The following KIAA1217 variants were observed in gnomAD, a reference collection of about 807,000 sequenced individuals.
The protein encoded by KIAA1217 is sickle tail protein homolog.
In KIAA1217, 88 loss-of-function variants were observed where a neutral mutation model predicts 163.9. The observed-to-expected ratio is 0.54, with a 90% CI of 0.45 to 0.64. The LOEUF (loss-of-function observed/expected upper bound fraction) is 0.64, where lower values mean the gene tolerates loss of function less well. Ranked by LOEUF, KIAA1217 falls within the 30% of genes least tolerant of loss-of-function variation. The pLI is 0.00. For synonymous variants in KIAA1217, 903 were observed against 923.1 expected (o/e 0.98, Z 0.39); for missense variants, 2,372 against 2,475.0 (o/e 0.96, Z 0.88).
At chr10:24,104,748 A>C (rs1185835568) in intron 2 of KIAA1217, among the ~76,000 whole-genome samples, 5 of 152,204 alleles carry the variant, frequency 3.3e-5, no homozygotes, top group Admixed American at 6.5e-5. Context: ...GGCTGTGCAC[A>C]TGTAGGGACA....
At chr10:23,840,438 A>G (rs1257696733) in intron 1 of KIAA1217, among the ~76,000 whole-genome samples, 2 of 152,130 alleles carry the variant, frequency 1.3e-5, no homozygotes, top group Admixed American at 6.6e-5. Flanking sequence ...TACAGATGTG[A>G]GCCACTGTGC....
chr10:24,386,599 G>T (rs936727776), intron 3 of KIAA1217, among the ~76,000 whole-genome samples: 2 of 151,686 alleles, frequency 1.3e-5, no homozygotes, highest in African/African-American at 2.4e-5. Flanking sequence ...TTAGAGACAG[G>T]GTCTTTCTCT....
intron 5 of KIAA1217, among the ~76,000 whole-genome samples, chr10:24,465,935 G>A (rs1012514758): frequency 2.0e-5 from 3 of 152,098 alleles, no homozygotes; most frequent in Non-Finnish European, 2.9e-5. Context: ...TTTCCTTCTC[G>A]TTTCAGATGT....
chr10:24,137,740 C>T (rs182767644), intron 2 of KIAA1217, among the ~76,000 whole-genome samples: 1 of 152,276 alleles, frequency 6.6e-6, no homozygotes, highest in East Asian at 1.9e-4. Flanking sequence ...CAAAAATATC[C>T]TATTCATTCT....
At chr10:23,939,899 A>T (rs1420666861) in intron 1 of KIAA1217, among the ~76,000 whole-genome samples, 9 of 150,336 alleles carry the variant, frequency 6.0e-5, no homozygotes, top group Non-Finnish European at 1.0e-4. Flanking sequence ...ACTATTTATT[A>T]AATATTAATA....
intron 2 of KIAA1217, among the ~76,000 whole-genome samples, chr10:24,333,827 C>T (rs1189544435): frequency 6.6e-6 from 1 of 152,146 alleles, no homozygotes; most frequent in East Asian, 1.9e-4. Flanking sequence ...CCAGGCCAAA[C>T]AAAACTTGAA....
chr10:23,938,677 A>T (rs1843633323), intron 1 of KIAA1217, among the ~76,000 whole-genome samples: 1 of 152,164 alleles, frequency 6.6e-6, no homozygotes, highest in South Asian at 2.1e-4. Context: ...AGTAAAAAAA[A>T]AAAGGATGTG....
At chr10:23,875,234 A>G (rs1046984075) in intron 1 of KIAA1217, among the ~76,000 whole-genome samples, 2 of 151,994 alleles carry the variant, frequency 1.3e-5, no homozygotes, top group Admixed American at 6.6e-5. Context: ...TATATAAACC[A>G]TATCAGAAGG....
At chr10:23,855,651 A>G (rs1333977255) in intron 1 of KIAA1217, among the ~76,000 whole-genome samples, 1 of 152,206 alleles carries the variant, frequency 6.6e-6, no homozygotes, top group Non-Finnish European at 1.5e-5. Flanking sequence ...AGGTACACCA[A>G]TCAGACGTAG....
chr10:24,143,937 A>G (rs966674259), intron 2 of KIAA1217, among the ~76,000 whole-genome samples: 2 of 152,196 alleles, frequency 1.3e-5, no homozygotes, highest in Non-Finnish European at 2.9e-5. Flanking sequence ...CATGGCAGAC[A>G]CTCAATGAAT....
rs1475636971 is a variant in KIAA1217 at position 23,934,589 on chromosome 10, A to ATGTGTGTG, written c.-320-72633_-320-72632insGTGTGTGT. Reference sequence around the variant, plus strand: ...TATATATATATATATATATATATATATGTATATATATATATATGTATATAT... The same window carrying ATGTGTGTG: ...TATATATATATATATATATATATATATGTGTGTGTGTATATATATATATATGTATATAT... On this transcript the variant is annotated intron_variant, in intron 1 of 18. Transcript: ENST00000376462. 5.3e-5 allele frequency among the ~76,000 whole-genome samples: 3 copies of ATGTGTGTG among 56,828 alleles called. No homozygotes were observed. The South Asian group carries it at 1.4e-3, about 26-fold the overall frequency. The allele number at this position is 56,828 out of a possible 152,430, so 37.3% of individuals were successfully genotyped here. A position where few individuals can be genotyped will look rare whatever the true frequency, so the allele number is the denominator to read the frequency against.
chr10:24,042,662 A>C (rs1238854899), intron 2 of KIAA1217, among the ~76,000 whole-genome samples: 1 of 152,170 alleles, frequency 6.6e-6, no homozygotes, highest in East Asian at 1.9e-4. Flanking sequence ...AAAAATAACC[A>C]ATAATTATTA....
At chr10:24,328,967 T>C (rs1228246549) in intron 2 of KIAA1217, among the ~76,000 whole-genome samples, 2 of 151,458 alleles carry the variant, frequency 1.3e-5, no homozygotes, top group Non-Finnish European at 2.9e-5. Context: ...ATCACATTTG[T>C]AGTATATTGC....
chr10:24,460,478 G>A (rs931307732), intron 5 of KIAA1217, among the ~76,000 whole-genome samples: 1 of 152,070 alleles, frequency 6.6e-6, no homozygotes, highest in Non-Finnish European at 1.5e-5. Flanking sequence ...TTTTTTTCAT[G>A]TTTATTTTGA....
intron 1 of KIAA1217, among the ~76,000 whole-genome samples, chr10:23,742,968 G>C (rs1443764341): frequency 6.6e-6 from 1 of 152,200 alleles, no homozygotes; most frequent in Non-Finnish European, 1.5e-5. Flanking sequence ...TGCTAGAGGA[G>C]AGCAGAATGT....
At chr10:23,741,301 C>T (rs1839101299) in intron 1 of KIAA1217, among the ~76,000 whole-genome samples, 1 of 152,154 alleles carries the variant, frequency 6.6e-6, no homozygotes, top group South Asian at 2.1e-4. Flanking sequence ...CTTTAAAGAT[C>T]CTGGATCCAG....
At chr10:23,846,719 G>A (rs11013748) in intron 1 of KIAA1217, among the ~76,000 whole-genome samples, 32 of 151,914 alleles carry the variant, frequency 2.1e-4, no homozygotes, top group African/African-American at 7.2e-4. Flanking sequence ...ATTTGAATAC[G>A]CTTTATTTCT....
At position 24,224,363 on chromosome 10, in the gene KIAA1217, T is replaced by A. The variant is rs529264998; in HGVS notation, c.354+4454T>A. On this transcript the variant is annotated intron_variant, in intron 2 of 20. Transcript: ENST00000376454. Reference sequence around the variant, plus strand: ...TCTTTCTTTTTTTTTTGAGACAGAGTCTCACTCTTTCAGTCACCCAGGCTG... The same window carrying A: ...TCTTTCTTTTTTTTTTGAGACAGAGACTCACTCTTTCAGTCACCCAGGCTG... Among the ~76,000 whole-genome samples, 10 of 151,780 alleles carry A rather than the reference T, an allele frequency of 6.6e-5. No individual in the cohort carries two copies. In the East Asian group the frequency reaches 1.9e-3, roughly 30 times the overall value.
chr10:23,950,756 T>C (rs1294443971), intron 1 of KIAA1217, among the ~76,000 whole-genome samples: 2 of 152,136 alleles, frequency 1.3e-5, no homozygotes, highest in Admixed American at 6.5e-5. Flanking sequence ...TTTATCACTA[T>C]CTGAAAAACT....
Sources: gnomAD v4.1 joint callset for allele counts (sites outside exome capture counted in the v4.1 genomes callset) on GRCh38, gnomAD v4.1.1 for gene constraint, MANE v1.5 for transcripts, NCBI Gene and HGNC (gene_info 2026-07-23, HGNC 2026-07-21) for gene names.